The following CSRNP3 variants were observed in gnomAD, a reference collection of about 807,000 sequenced individuals.
CSRNP3 encodes cysteine/serine-rich nuclear protein 3.
CSRNP3 carries 12 observed loss-of-function variants against 48.0 expected under a neutral mutation model. That is an observed-to-expected ratio of 0.25 (90% confidence interval 0.16 to 0.41). The LOEUF (loss-of-function observed/expected upper bound fraction) is 0.41. Ranked by LOEUF, CSRNP3 falls within the 10% of genes least tolerant of loss-of-function variation. The pLI is 1.00. For synonymous variants in CSRNP3, 263 were observed against 269.7 expected (o/e 0.98, Z 0.24); for missense variants, 580 against 724.4 (o/e 0.80, Z 2.29).
intron 2 of CSRNP3, among the ~76,000 whole-genome samples, chr2:165,508,027 G>A (rs892685432): frequency 6.6e-5 from 10 of 151,912 alleles, no homozygotes; most frequent in African/African-American, 2.4e-4. Context: ...GCCATCGACT[G>A]CTTGATTAAC....
intron 4 of CSRNP3, among the ~76,000 whole-genome samples, chr2:165,612,868 A>T (rs991874303): frequency 1.3e-5 from 2 of 152,090 alleles, no homozygotes; most frequent in African/African-American, 4.8e-5. Flanking sequence ...GGCTATTGTG[A>T]ATAGCGCTGC....
chr2:165,527,861 C>A (rs1684758558), intron 3 of CSRNP3, among the ~76,000 whole-genome samples: 1 of 150,772 alleles, frequency 6.6e-6, no homozygotes, highest in Admixed American at 6.6e-5. Context: ...ATCAACAAGA[C>A]CCCAGTAGAA....
intron 3 of CSRNP3, among the ~76,000 whole-genome samples, chr2:165,583,850 C>A (rs1274245379): frequency 1.3e-5 from 2 of 151,978 alleles, no homozygotes; most frequent in East Asian, 3.9e-4. Context: ...GAAAGGGGTC[C>A]CTATCCAGAC....
At chr2:165,585,672 G>A (rs920896161) in intron 3 of CSRNP3, among the ~76,000 whole-genome samples, 6 of 152,046 alleles carry the variant, frequency 3.9e-5, no homozygotes, top group African/African-American at 1.4e-4. Flanking sequence ...AGAATTTACT[G>A]GAAGAATGCA....
chr2:165,615,581 C>T (rs1686225826), intron 4 of CSRNP3, among the ~76,000 whole-genome samples: 1 of 151,498 alleles, frequency 6.6e-6, no homozygotes, highest in African/African-American at 2.4e-5. Context: ...GTTATATCCT[C>T]TTGCTGAATC....
At chr2:165,615,561 TA>T (rs143880941) in intron 4 of CSRNP3, among the ~76,000 whole-genome samples, 3,913 of 151,046 alleles carry the variant, frequency 0.026, 66 homozygotes, top group Non-Finnish European at 0.041. Context: ...AAAAGAATTA[TA>T]AAAGAATTGT....
At chr2:165,574,884 A>G (rs1211415975) in intron 3 of CSRNP3, among the ~76,000 whole-genome samples, 1 of 152,180 alleles carries the variant, frequency 6.6e-6, no homozygotes, top group Non-Finnish European at 1.5e-5. Flanking sequence ...GGACAATTTT[A>G]ATAAGTATAT....
intron 1 of CSRNP3, among the ~76,000 whole-genome samples, chr2:165,479,824 G>T (rs1345877381): frequency 6.6e-6 from 1 of 151,098 alleles, no homozygotes; most frequent in African/African-American, 2.4e-5. Context: ...GGCTGAGGCT[G>T]CACTGAGTCA....
chr2:165,470,705 A>G (rs1449583344), intron 1 of CSRNP3, among the ~76,000 whole-genome samples: 1 of 152,042 alleles, frequency 6.6e-6, no homozygotes, highest in African/African-American at 2.4e-5. Context: ...ATACAAAAAA[A>G]CTGAACTCCC....
intron 4 of CSRNP3, among the ~76,000 whole-genome samples, chr2:165,627,730 A>G (rs1686462053): frequency 6.6e-6 from 1 of 151,888 alleles, no homozygotes; most frequent in African/African-American, 2.4e-5. Context: ...TACTCTCACA[A>G]TCGACTCCTC....
intron 3 of CSRNP3, among the ~76,000 whole-genome samples, chr2:165,591,209 G>C (rs886559059): frequency 2.0e-5 from 3 of 152,190 alleles, no homozygotes; most frequent in African/African-American, 7.2e-5. Context: ...GGTCACTCTT[G>C]CTATGCAAAG....
intron 3 of CSRNP3, among the ~76,000 whole-genome samples, chr2:165,545,062 T>C (rs967792773): frequency 6.6e-6 from 1 of 152,136 alleles, no homozygotes; most frequent in Non-Finnish European, 1.5e-5. Context: ...CGACTGGTTG[T>C]GTCAAGTGTT....
chr2:165,565,086 A>G (rs1057254951), intron 3 of CSRNP3, among the ~76,000 whole-genome samples: 6 of 152,090 alleles, frequency 3.9e-5, no homozygotes. Context: ...TCCATAGGTA[A>G]TCATCAGTAA....
chr2:165,494,608 A>G (rs1329358515), intron 1 of CSRNP3, among the ~76,000 whole-genome samples, 151 bp from the exon 2 acceptor site: 3 of 152,114 alleles, frequency 2.0e-5, no homozygotes, highest in Non-Finnish European at 4.4e-5. Context: ...ATAGTTTTCA[A>G]TGCTTTCCAA....
chr2:165,581,628 C>T (rs1048980836), intron 3 of CSRNP3, among the ~76,000 whole-genome samples: 1 of 151,392 alleles, frequency 6.6e-6, no homozygotes, highest in Non-Finnish European at 1.5e-5. Context: ...TCTCTGCCTC[C>T]TGGGTTCAAG....
intron 4 of CSRNP3, among the ~76,000 whole-genome samples, chr2:165,631,388 G>A (rs1212822766): frequency 1.3e-5 from 2 of 152,172 alleles, no homozygotes; most frequent in African/African-American, 2.4e-5. Flanking sequence ...CTCACTCTAG[G>A]GAGCTGTTTA....
At chr2:165,492,253 G>A (rs1684222795) in intron 1 of CSRNP3, among the ~76,000 whole-genome samples, 2 of 152,104 alleles carry the variant, frequency 1.3e-5, no homozygotes, top group Non-Finnish European at 2.9e-5. Flanking sequence ...AAGCTAATGA[G>A]TTGTCCCTTT....
intron 3 of CSRNP3, among the ~76,000 whole-genome samples, chr2:165,547,977 C>A (rs1326630179): frequency 6.6e-6 from 1 of 151,938 alleles, no homozygotes; most frequent in South Asian, 2.1e-4. Flanking sequence ...GTGTTGTTTT[C>A]AAACCTAATT....
At chr2:165,553,711 A>G (rs1685128059) in intron 3 of CSRNP3, among the ~76,000 whole-genome samples, 1 of 152,106 alleles carries the variant, frequency 6.6e-6, no homozygotes. Flanking sequence ...ATTTGTCATT[A>G]TGGATGTTTA....
Sources: gnomAD v4.1 joint callset for allele counts (sites outside exome capture counted in the v4.1 genomes callset) on GRCh38, gnomAD v4.1.1 for gene constraint, MANE v1.5 for transcripts, NCBI Gene and HGNC (gene_info 2026-07-23, HGNC 2026-07-21) for gene names.